The following PAK1 variants were observed in gnomAD, a reference collection of about 807,000 sequenced individuals.
PAK1 encodes p21 (RAC1) activated kinase 1, also known as serine/threonine-protein kinase PAK 1.
Under a neutral mutation model 67.4 loss-of-function variants are expected in PAK1, and 29 were observed. The observed-to-expected ratio is 0.43, with a 90% CI of 0.32 to 0.59. PAK1 has a LOEUF of 0.59. Ranked by LOEUF, PAK1 falls within the 20% of genes least tolerant of loss-of-function variation. The pLI, the probability that PAK1 is intolerant of heterozygous loss-of-function variation, is 0.07. For synonymous variants in PAK1, 223 were observed against 237.4 expected (o/e 0.94, Z 0.56); for missense variants, 337 against 670.7 (o/e 0.50, Z 5.50).
At chr11:77,472,136 C>G (rs188368456) in intron 1 of PAK1, among the ~76,000 whole-genome samples, 1 of 152,318 alleles carries the variant, frequency 6.6e-6, no homozygotes, top group East Asian at 1.9e-4. Context: ...AACATAGTAG[C>G]TCTCCGAACT....
chr11:77,324,912 A>C (rs1939424414), intron 14 of PAK1, among the ~76,000 whole-genome samples: 1 of 152,190 alleles, frequency 6.6e-6, no homozygotes, highest in African/African-American at 2.4e-5. Flanking sequence ...ACAAGAACGT[A>C]CTATTACTAT....
chr11:77,350,377 T>C (rs978342140), intron 8 of PAK1, among the ~76,000 whole-genome samples: 1 of 152,150 alleles, frequency 6.6e-6, no homozygotes, highest in Non-Finnish European at 1.5e-5. Context: ...GTTAAGTATA[T>C]ACACATTCAT....
At chr11:77,344,592 T>A (rs685991) in intron 9 of PAK1, among the ~76,000 whole-genome samples, 29 of 152,254 alleles carry the variant, frequency 1.9e-4, no homozygotes, top group Non-Finnish European at 4.0e-4. Flanking sequence ...GTTCTCAAAT[T>A]TGTTATTTCA....
At chr11:77,411,462 G>A (rs1459325615) in intron 1 of PAK1, among the ~76,000 whole-genome samples, 1 of 151,598 alleles carries the variant, frequency 6.6e-6, no homozygotes, top group Non-Finnish European at 1.5e-5. Flanking sequence ...AAAGCACCAC[G>A]TTGGCCACCA....
intron 8 of PAK1, among the ~76,000 whole-genome samples, chr11:77,352,569 C>T (rs1374198538): frequency 2.0e-5 from 3 of 152,076 alleles, no homozygotes; most frequent in Non-Finnish European, 4.4e-5. Context: ...TCTACAGTAG[C>T]GTACACAGTA....
chr11:77,375,007 A>G (rs978572406), intron 4 of PAK1, among the ~76,000 whole-genome samples: 2 of 152,220 alleles, frequency 1.3e-5, no homozygotes, highest in African/African-American at 2.4e-5. Flanking sequence ...ACCAGTGTAC[A>G]CTTAGGCTAT....
intron 1 of PAK1, among the ~76,000 whole-genome samples, chr11:77,417,738 C>CTT (rs67257981): frequency 6.9e-6 from 1 of 144,538 alleles, no homozygotes; most frequent in African/African-American, 2.5e-5. Context: ...TTTTTCTTTT[C>CTT]TTTTTTTTTT....
chr11:77,513,881 G>A, the PAK1 span, among the ~76,000 whole-genome samples: 2 of 152,070 alleles, frequency 1.3e-5, no homozygotes, highest in South Asian at 4.1e-4. Flanking sequence ...CCTATTAGGA[G>A]ACTAACACAT....
intron 1 of PAK1, among the ~76,000 whole-genome samples, chr11:77,426,540 A>G (rs749485493): frequency 2.0e-4 from 30 of 152,350 alleles, no homozygotes; most frequent in Non-Finnish European, 4.0e-4. Flanking sequence ...TATCAAGTTC[A>G]TCACATTCTA....
At chr11:77,435,642 C>T (rs1415079294) in intron 1 of PAK1, among the ~76,000 whole-genome samples, 2 of 148,110 alleles carry the variant, frequency 1.4e-5, no homozygotes, top group Non-Finnish European at 3.0e-5. Context: ...TACAGGCGCC[C>T]GCCACTACAC....
the PAK1 span, among the ~76,000 whole-genome samples, chr11:77,506,289 C>T: frequency 2.6e-5 from 4 of 152,262 alleles, no homozygotes; most frequent in East Asian, 5.8e-4. Flanking sequence ...AACCCCACAA[C>T]GACATGAGGT....
chr11:77,456,645 C>A (rs765310506), intron 1 of PAK1, among the ~76,000 whole-genome samples: 1 of 152,174 alleles, frequency 6.6e-6, no homozygotes, highest in African/African-American at 2.4e-5. Context: ...TTGTTAAGGA[C>A]TTCTTATGTG....
chr11:77,399,288 G>A (rs1952273498), intron 1 of PAK1, among the ~76,000 whole-genome samples: 1 of 152,184 alleles, frequency 6.6e-6, no homozygotes, highest in Non-Finnish European at 1.5e-5. Context: ...ATTGTGAATA[G>A]TGCTGTAGAA....
At position 77,353,512 on chromosome 11, in the gene PAK1, G is replaced by A. The variant is rs145185062; in HGVS notation, c.836+24C>T. The A allele has an allele frequency of 1.5e-3, 2,277 of 1,561,094 alleles. 14 individuals carry two copies. The Middle Eastern group carries it at 0.023, about 16-fold the overall frequency. ...CACACACTTTAAAGTCATTTCTCCA[G>A]GGAAAGAAAATGCCCCTACTAACCC... On this transcript the variant is annotated intron_variant, in intron 8 of 14. Coordinates refer to ENST00000356341, the MANE Select transcript of PAK1 (RefSeq NM_002576.5).
chr11:77,506,581 A>G, the PAK1 span, among the ~76,000 whole-genome samples: 9 of 152,230 alleles, frequency 5.9e-5, no homozygotes, highest in African/African-American at 1.9e-4. Flanking sequence ...AATGACAGGC[A>G]GGGACAAGAC....
intron 1 of PAK1, among the ~76,000 whole-genome samples, chr11:77,407,505 C>CTA (rs1404540708): frequency 2.6e-5 from 4 of 152,298 alleles, no homozygotes; most frequent in Admixed American, 6.5e-5. Flanking sequence ...GGCTTTCAGG[C>CTA]TATAGCATCT....
chr11:77,498,529 G>C, the PAK1 span, among the ~76,000 whole-genome samples: 1 of 151,872 alleles, frequency 6.6e-6, no homozygotes, highest in South Asian at 2.1e-4. Context: ...CACAGTCCTT[G>C]GCCTCTCTGC....
intron 1 of PAK1, among the ~76,000 whole-genome samples, chr11:77,421,010 T>A (rs955915131): frequency 1.3e-5 from 2 of 152,238 alleles, no homozygotes; most frequent in African/African-American, 4.8e-5. Context: ...GGGTGATCTA[T>A]TTAAAACATG....
chr11:77,450,040 C>A (rs571153782), intron 1 of PAK1, among the ~76,000 whole-genome samples: 2 of 152,284 alleles, frequency 1.3e-5, no homozygotes, highest in African/African-American at 4.8e-5. Context: ...AAACTTCAGA[C>A]TCCTTTTCTG....
Sources: gnomAD v4.1 joint callset for allele counts (sites outside exome capture counted in the v4.1 genomes callset) on GRCh38, gnomAD v4.1.1 for gene constraint, MANE v1.5 for transcripts, NCBI Gene and HGNC (gene_info 2026-07-23, HGNC 2026-07-21) for gene names.